ACSBG1: variants seen among roughly 807,000 people sequenced by gnomAD.
The protein encoded by ACSBG1 is acyl-CoA synthetase bubblegum family member 1, also known as long-chain-fatty-acid--CoA ligase ACSBG1.
Under a neutral mutation model 80.2 loss-of-function variants are expected in ACSBG1, and 39 were observed. The ratio of observed to expected loss-of-function variants is 0.49; its 90% CI spans 0.38 to 0.64. ACSBG1 has a LOEUF of 0.64. Ranked by LOEUF, ACSBG1 falls within the 30% of genes least tolerant of loss-of-function variation. ACSBG1 has a pLI of 0.00. For synonymous variants in ACSBG1, 392 were observed against 379.5 expected (o/e 1.03, Z -0.38); for missense variants, 828 against 966.4 (o/e 0.86, Z 1.90).
chr15:78,174,339 C>T lies in ACSBG1; in HGVS notation c.1842+46G>A, dbSNP rs368443193. ...GGCTTCTGCCAGCCAGACCCACAGA[C>T]CCCCTCACTGGCTGCTCCTTCTGAG... On this transcript the variant is annotated intron_variant, in intron 12 of 13. Coordinates refer to ENST00000258873, the MANE Select transcript of ACSBG1 (RefSeq NM_015162.5). 2.5e-5 allele frequency: 41 copies of T among 1,613,526 alleles called. No homozygotes were observed. The African/African-American group carries it at 5.2e-4, about 20-fold the overall frequency.
At chr15:78,187,053 CA>C (rs1567083766) in intron 5 of ACSBG1, among the ~76,000 whole-genome samples, 1 of 152,192 alleles carries the variant, frequency 6.6e-6, no homozygotes, top group African/African-American at 2.4e-5. Context: ...CACCTCTACT[CA>C]AATAAACTAG....
chr15:78,184,818 G>A (rs1301491732), intron 5 of ACSBG1, among the ~76,000 whole-genome samples: 1 of 152,186 alleles, frequency 6.6e-6, no homozygotes, highest in Non-Finnish European at 1.5e-5. Flanking sequence ...TGGCGCCCAG[G>A]GCCCCAGTGC....
intron 2 of ACSBG1, 87 bp from the exon 3 acceptor site, chr15:78,194,813 G>A (rs2075098147): frequency 4.4e-6 from 6 of 1,363,984 alleles, no homozygotes; most frequent in Non-Finnish European, 6.1e-6. Flanking sequence ...CCCGTCTGGT[G>A]CTGACAATGC....
chr15:78,190,582 A>G (rs1006969654), intron 5 of ACSBG1, among the ~76,000 whole-genome samples: 2 of 148,832 alleles, frequency 1.3e-5, no homozygotes, highest in Admixed American at 1.3e-4. Flanking sequence ...AAAAAAAAAA[A>G]GAAAAAAGAA....
In ACSBG1 at chr15:78,194,563, G is replaced by A. The variant is rs944812070; in HGVS notation, c.396C>T (p.His132=). Reference sequence around the variant, plus strand: ...GCAGGTAGTATTGGGAGTAGGAGATGTGTTCCCACTTGTCCTGGCGCTTGA... The same window carrying A: ...GCAGGTAGTATTGGGAGTAGGAGATATGTTCCCACTTGTCCTGGCGCTTGA... ...LGFKRQDKWE[H]ISYSQYYLLA... The change falls in exon 3 of 14, where the codon CAC becomes CAT. Residue 132 remains histidine, a synonymous_variant. Transcript: ENST00000258873. 25 of 1,614,120 alleles carry A rather than the reference G, an allele frequency of 1.5e-5. No homozygotes were observed. Among genetic ancestry groups the A allele is most frequent in the Non-Finnish European group, 2.1e-5 (25 of 1,180,046 alleles).
At chr15:78,181,792 C>A (rs1006293102) in intron 8 of ACSBG1, among the ~76,000 whole-genome samples, 177 bp downstream of exon 8, 2 of 152,178 alleles carry the variant, frequency 1.3e-5, no homozygotes, top group African/African-American at 4.8e-5. Context: ...CGTGCCCGGC[C>A]TAGTTTCCCT....
At chr15:78,228,809 G>A (rs575406583) in intron 1 of ACSBG1, among the ~76,000 whole-genome samples, 1 of 152,232 alleles carries the variant, frequency 6.6e-6, no homozygotes, top group East Asian at 1.9e-4. Context: ...CCCACCTCGG[G>A]GCCTTTGCAC....
rs149568728 is a variant in ACSBG1, at chr15:78,221,322, A to G, written c.131+13049T>C. Among the ~76,000 whole-genome samples the G allele has an allele frequency of 3.0e-3, 453 of 152,310 alleles. 4 individuals are homozygous for G. The highest frequency in any genetic ancestry group is 9.2e-3 in the African/African-American group (381 of 41,570). ...GAGAAGATCAGCAAGGAAACATGCG[A>G]GTAACAGAATCCGTGTCATAAATAA... On this transcript the variant is annotated intron_variant, in intron 1 of 13. Transcript: ENST00000258873.
Position 78,194,516 on chromosome 15 carries a change from C to G in ACSBG1, c.443G>C (p.Gly148Ala), listed in dbSNP as rs1437553675. Residue 148 changes from glycine to alanine, a missense_variant, in exon 3 of 14, where the codon GGC becomes GCC. Coordinates refer to ENST00000258873, the MANE Select transcript of ACSBG1 (RefSeq NM_015162.5). ...YYLLARRAAK[G>A]FLKLGLKQAH... ...GAGGGGCCCCCTTACCTTCAGGAAG[C>G]CCTTGGCGGCTCTGCGGGCGAGCAG... 2 of 1,614,160 alleles carry G rather than the reference C, an allele frequency of 1.2e-6. No individual in the cohort carries two copies. The highest frequency in any genetic ancestry group is 1.3e-5 in the African/African-American group (1 of 75,072).
Position 78,167,536 on chromosome 15 carries a change from C to T in ACSBG1, c.*3908G>A, listed in dbSNP as rs931682713. On this transcript the variant is annotated 3_prime_UTR_variant, in exon 14 of 14. Transcript: ENST00000258873. ...ATAACATAAAATTTGCCATTTTAGCCGTATTTAGGTATACAGTTCAATAAT... is the reference window on the plus strand; with the variant it reads ...ATAACATAAAATTTGCCATTTTAGCTGTATTTAGGTATACAGTTCAATAAT... The T allele has an allele frequency of 6.6e-6, 1 of 152,150 alleles. No individual in the cohort carries two copies. Among genetic ancestry groups the T allele is most frequent in the East Asian group, 1.9e-4 (1 of 5,200 alleles). The allele number at this position is 152,150 out of a possible 1,614,324, so 9.4% of individuals were successfully genotyped here.
At chr15:78,181,046 C>CCA in intron 8 of ACSBG1, 110 bp from the exon 9 acceptor site, 13 of 1,267,816 alleles carry the variant, frequency 1.0e-5, no homozygotes, top group Non-Finnish European at 1.4e-5. Context: ...CAACGGGCAC[C>CCA]CACACACACC....
At position 78,180,760 on chromosome 15, in the gene ACSBG1, G is replaced by T. The variant is rs773736059; in HGVS notation, c.1248C>A (p.Pro416=). Residue 416 remains proline (P), a synonymous_variant, in exon 9 of 14, where the codon CCC becomes CCA. Transcript: ENST00000258873. ...CGCCCGTGGGCCCTCTGTACCTGCCGGGGCAGGTGAGGTTCTGCTCCAAGG... is the reference window on the plus strand; with the variant it reads ...CGCCCGTGGGCCCTCTGTACCTGCCTGGGCAGGTGAGGTTCTGCTCCAAGG... The part of the protein sequence containing the change: ...SVTLEQNLTC[P]GSDLKPFTTR... 13 of 1,613,658 alleles carry T rather than the reference G, an allele frequency of 8.1e-6. No homozygotes were observed. The highest frequency in any genetic ancestry group is 1.3e-5 in the African/African-American group (1 of 74,928).
chr15:78,200,514 G>A (rs573899279), intron 2 of ACSBG1, among the ~76,000 whole-genome samples: 4 of 152,214 alleles, frequency 2.6e-5, no homozygotes, highest in Admixed American at 6.5e-5. Context: ...CCTGCCATGC[G>A]CCATGCCATT....
At chr15:78,215,770 GAAAGAA>G (rs896259824) in intron 1 of ACSBG1, among the ~76,000 whole-genome samples, 4 of 149,410 alleles carry the variant, frequency 2.7e-5, no homozygotes, top group African/African-American at 1.0e-4. Flanking sequence ...AAGAAAGAAA[GAAAGAA>G]AGAAAGAAAG....
intron 1 of ACSBG1, chr15:78,212,628 G>C: frequency 2.2e-6 from 1 of 455,710 alleles, no homozygotes; most frequent in South Asian, 1.5e-5. Flanking sequence ...CAATCTGTGA[G>C]CTTGCCCAGG....
At position 78,171,364 on chromosome 15, in the gene ACSBG1, G is replaced by A; in HGVS notation, c.*80C>T. The stretch of plus-strand genomic sequence containing the variant: ...GACTTGGCAGAAATGCCTGTGCCCA[G>A]ACTGAAGAGACCTGGGGCTCAGGAA... On this transcript the variant is annotated 3_prime_UTR_variant, in exon 14 of 14. Transcript: ENST00000258873. 2.5e-6 allele frequency: 3 copies of A among 1,223,974 alleles called. No homozygotes were observed. The South Asian group carries it at 3.9e-5, about 16-fold the overall frequency. The allele number at this position is 1,223,974 out of a possible 1,614,324, so 75.8% of individuals were successfully genotyped here. A position where few individuals can be genotyped will look rare whatever the true frequency, so the allele number is the denominator to read the frequency against.
intron 5 of ACSBG1, among the ~76,000 whole-genome samples, chr15:78,189,354 A>C (rs1016773716): frequency 6.6e-5 from 10 of 151,732 alleles, no homozygotes; most frequent in African/African-American, 2.4e-4. Context: ...TCATACTGCT[A>C]TAAAGACACA....
intron 5 of ACSBG1, among the ~76,000 whole-genome samples, chr15:78,191,399 C>T (rs979067403): frequency 6.6e-6 from 1 of 152,084 alleles, no homozygotes; most frequent in Non-Finnish European, 1.5e-5. Flanking sequence ...TAAAATACTA[C>T]CAACCAACTT....
intron 2 of ACSBG1, among the ~76,000 whole-genome samples, chr15:78,197,680 C>T (rs2075127236): frequency 6.8e-6 from 1 of 146,068 alleles, no homozygotes; most frequent in South Asian, 2.2e-4. Flanking sequence ...GATCGCACCA[C>T]TGCCCTCCAG....
Sources: gnomAD v4.1 joint callset for allele counts (sites outside exome capture counted in the v4.1 genomes callset) on GRCh38, gnomAD v4.1.1 for gene constraint, MANE v1.5 for transcripts, NCBI Gene and HGNC (gene_info 2026-07-23, HGNC 2026-07-21) for gene names.